The following IL1RAPL1 variants were observed in gnomAD, a reference collection of about 807,000 sequenced individuals.
IL1RAPL1 encodes interleukin 1 receptor accessory protein like 1, also known as interleukin-1 receptor accessory protein-like 1.
IL1RAPL1 carries 3 observed loss-of-function variants against 48.4 expected under a neutral mutation model. That is an observed-to-expected ratio of 0.06 (90% CI 0.03 to 0.16). The LOEUF is 0.16. Ranked by LOEUF, IL1RAPL1 falls within the 10% of genes least tolerant of loss-of-function variation. The pLI is 1.00. For missense variants in IL1RAPL1, 349 were observed against 530.6 expected, an observed-to-expected ratio of 0.66 and a Z score of 3.36; for synonymous variants, 185 against 187.7, an observed-to-expected ratio of 0.99 and a Z score of 0.12.
At chrX:29,436,813 A>T in intron 5 of IL1RAPL1, among the ~76,000 whole-genome samples, 1 of 110,998 alleles carries the variant, frequency 9.0e-6, no homozygotes, top group Non-Finnish European at 1.9e-5. Context: ...AGGAGATTTT[A>T]GAAAAGATAT....
chrX:28,814,801 A>G (rs1471122354), intron 2 of IL1RAPL1, among the ~76,000 whole-genome samples: 2 of 108,847 alleles, frequency 1.8e-5, no homozygotes, highest in African/African-American at 3.3e-5. Context: ...GAGCATTTAT[A>G]TGATCCATTT....
At chrX:29,877,913 G>A (rs1415015355) in intron 6 of IL1RAPL1, among the ~76,000 whole-genome samples, 1 of 112,273 alleles carries the variant, frequency 8.9e-6, no homozygotes, top group African/African-American at 3.2e-5. Flanking sequence ...GTATTAGAAT[G>A]TCAGCTCCAA....
intron 3 of IL1RAPL1, among the ~76,000 whole-genome samples, chrX:29,393,222 C>T (rs1398624709): frequency 2.7e-5 from 3 of 111,805 alleles, no homozygotes. Context: ...CCCGGGTTCA[C>T]GCCATTCTCG....
At chrX:29,803,031 A>G (rs1179074843) in intron 6 of IL1RAPL1, among the ~76,000 whole-genome samples, 33 of 81,030 alleles carry the variant, frequency 4.1e-4, no homozygotes, top group African/African-American at 1.6e-3. Flanking sequence ...ATATACATGT[A>G]TGCATATATA....
At chrX:29,070,958 T>C (rs190716140) in intron 2 of IL1RAPL1, among the ~76,000 whole-genome samples, 83 of 111,728 alleles carry the variant, frequency 7.4e-4, no homozygotes, top group Non-Finnish European at 1.5e-3. Flanking sequence ...GAATATTACA[T>C]ATCTATATCA....
intron 2 of IL1RAPL1, among the ~76,000 whole-genome samples, chrX:28,833,952 G>T (rs370099489): frequency 8.9e-6 from 1 of 111,964 alleles, no homozygotes; most frequent in African/African-American, 3.2e-5. Flanking sequence ...TTAAGTTAAT[G>T]TTTTCTGAAA....
At chrX:29,268,048 G>C (rs745434726) in intron 2 of IL1RAPL1, among the ~76,000 whole-genome samples, 2 of 111,430 alleles carry the variant, frequency 1.8e-5, no homozygotes, top group African/African-American at 6.5e-5. Context: ...CCTATCAGCA[G>C]GTAGGGCCTG....
intron 6 of IL1RAPL1, among the ~76,000 whole-genome samples, chrX:29,810,004 C>G (rs184672054): frequency 9.1e-6 from 1 of 110,298 alleles, no homozygotes; most frequent in East Asian, 2.8e-4. Context: ...TATTATTCCA[C>G]AGATCTTTAC....
Position 29,632,870 on chromosome X carries a change from C to T in IL1RAPL1, c.704-35560C>T, listed in dbSNP as rs775614499. Among the ~76,000 whole-genome samples the T allele has an allele frequency of 1.3e-4, 14 of 111,904 alleles. No individual in the cohort carries two copies. In the South Asian group the frequency reaches 4.5e-3, roughly 36 times the overall value. On this transcript the variant is annotated intron_variant, in intron 5 of 10. Transcript: ENST00000378993. ...CAAATATTTGTCTGCTACATGATAC[C>T]CATTCTTAATGATAACACCAGCAAG... is the stretch of plus-strand genomic sequence containing the variant.
chrX:29,377,592 G>T (rs1480334919), intron 3 of IL1RAPL1, among the ~76,000 whole-genome samples: 2 of 111,957 alleles, frequency 1.8e-5, no homozygotes, highest in Non-Finnish European at 3.8e-5. Context: ...ATCTAAGAAA[G>T]ATCTTTTTTC....
At chrX:29,115,759 T>C (rs191752998) in intron 2 of IL1RAPL1, among the ~76,000 whole-genome samples, 4 of 111,273 alleles carry the variant, frequency 3.6e-5, no homozygotes, top group African/African-American at 1.3e-4. Flanking sequence ...ACAATTACTT[T>C]TATACTTGAA....
At chrX:29,282,095 A>G (rs1030945766) in intron 2 of IL1RAPL1, among the ~76,000 whole-genome samples, 1 of 111,494 alleles carries the variant, frequency 9.0e-6, no homozygotes, top group Non-Finnish European at 1.9e-5. Context: ...TACCTCCCAA[A>G]GAAAGGCCTC....
intron 2 of IL1RAPL1, among the ~76,000 whole-genome samples, chrX:28,877,096 G>A (rs367977487): frequency 8.9e-6 from 1 of 111,980 alleles, no homozygotes; most frequent in African/African-American, 3.2e-5. Context: ...TTTGAAATAC[G>A]TAAATTCTTG....
intron 9 of IL1RAPL1, among the ~76,000 whole-genome samples, chrX:29,948,611 ATAATT>A (rs1223630672): frequency 9.0e-6 from 1 of 111,558 alleles, no homozygotes; most frequent in African/African-American, 3.3e-5. Flanking sequence ...TTTGAAAACT[ATAATT>A]TATTCAAATT....
chrX:28,916,376 A>G (rs1263022576), intron 2 of IL1RAPL1, among the ~76,000 whole-genome samples: 1 of 111,605 alleles, frequency 9.0e-6, no homozygotes, highest in African/African-American at 3.3e-5. Flanking sequence ...TTCAAAGGGA[A>G]TGGTTACAAG....
intron 1 of IL1RAPL1, among the ~76,000 whole-genome samples, chrX:28,756,270 C>G (rs767728902): frequency 2.1e-4 from 23 of 111,400 alleles, no homozygotes; most frequent in Non-Finnish European, 4.0e-4. Context: ...GATGGCCCAA[C>G]TATGCCTTCC....
intron 6 of IL1RAPL1, among the ~76,000 whole-genome samples, chrX:29,807,621 CA>C (rs60391165): frequency 0.016 from 420 of 25,889 alleles, 2 homozygotes; most frequent in African/African-American, 0.047. Flanking sequence ...TCTCTCAAGA[CA>C]AAAAAAAAAA....
intron 2 of IL1RAPL1, among the ~76,000 whole-genome samples, chrX:29,126,526 A>G (rs1928903858): frequency 8.9e-6 from 1 of 112,501 alleles, no homozygotes; most frequent in Non-Finnish European, 1.9e-5. Flanking sequence ...ATGGTCCTTA[A>G]AAGACCTTTT....
At chrX:28,926,684 C>T (rs1923751019) in intron 2 of IL1RAPL1, among the ~76,000 whole-genome samples, 1 of 111,679 alleles carries the variant, frequency 9.0e-6, no homozygotes, top group Non-Finnish European at 1.9e-5. Flanking sequence ...GAGATTCAGC[C>T]TCTCCAAGCA....
Sources: gnomAD v4.1 joint callset for allele counts (sites outside exome capture counted in the v4.1 genomes callset) on GRCh38, gnomAD v4.1.1 for gene constraint, MANE v1.5 for transcripts, NCBI Gene and HGNC (gene_info 2026-07-23, HGNC 2026-07-21) for gene names.